Variants in RPAP2 observed in about 807,000 individuals in gnomAD.
RPAP2 encodes RNA polymerase II associated protein 2.
RPAP2 carries 52 observed loss-of-function variants against 73.1 expected under a neutral mutation model. That is an observed-to-expected ratio of 0.71 (90% CI 0.57 to 0.90). The LOEUF (loss-of-function observed/expected upper bound fraction) is 0.90, where lower values mean the gene tolerates loss of function less well. Among genes scored for constraint, RPAP2 ranks in the 40% least tolerant of loss-of-function variants. RPAP2 has a pLI of 0.00. For synonymous variants in RPAP2, 225 were observed against 242.1 expected (o/e 0.93, Z 0.65); for missense variants, 598 against 701.8 (o/e 0.85, Z 1.67).
intron 11 of RPAP2, among the ~76,000 whole-genome samples, chr1:92,359,439 C>T (rs1387901589): frequency 2.0e-5 from 3 of 152,236 alleles, no homozygotes; most frequent in Non-Finnish European, 4.4e-5. Flanking sequence ...CCGGCCTCAG[C>T]CTCCGAAGTA....
In RPAP2 at chr1:92,397,783, A is replaced by G. The variant is rs1393775006; in HGVS notation, c.*10772A>G. The G allele has an allele frequency of 6.6e-6, 1 of 152,252 alleles. No individual in the cohort carries two copies. Among genetic ancestry groups the G allele is most frequent in the African/African-American group, 2.4e-5 (1 of 41,470 alleles). The allele number at this position is 152,252 out of a possible 1,614,324, so 9.4% of individuals were successfully genotyped here. ...AAAAAATGCAAGATAAGCCTGGAGCATCTTGTAGTACCAGAAACTAAGCAA... is the reference window on the plus strand; with the variant it reads ...AAAAAATGCAAGATAAGCCTGGAGCGTCTTGTAGTACCAGAAACTAAGCAA... On this transcript the variant is annotated 3_prime_UTR_variant, in exon 13 of 13. Transcript: ENST00000610020.
intron 10 of RPAP2, among the ~76,000 whole-genome samples, chr1:92,340,377 G>A (rs1030726478): frequency 2.0e-5 from 3 of 152,200 alleles, no homozygotes; most frequent in African/African-American, 7.2e-5. Flanking sequence ...GCCAGGTGAA[G>A]CTTCTGGAAA....
rs1367572092 is a variant in RPAP2, at chr1:92,323,726, A to C, written c.806A>C (p.Asp269Ala). The stretch of plus-strand genomic sequence containing the variant: ...AAAGACAAAGAACAGACAGTAGTAG[A>C]TGTCACTGAGCAGTTAGGCGATTGC... ...KHKDKEQTVV[D>A]VTEQLGDCKL... Residue 269 changes from aspartate (D) to alanine (A), a missense_variant, in exon 8 of 13, where the codon GAT becomes GCT. Around this residue, in one of 3 missense-constraint regions of RPAP2, gnomAD observed 506 missense variants for 612.8 expected, o/e 0.83. Transcript: ENST00000610020. 1.9e-6 allele frequency: 3 copies of C among 1,614,180 alleles called. No individual in the cohort carries two copies. The highest frequency in any genetic ancestry group is 2.5e-6 in the Non-Finnish European group (3 of 1,180,012).
chr1:92,363,117 A>C (rs1654798282), intron 11 of RPAP2, among the ~76,000 whole-genome samples: 2 of 152,166 alleles, frequency 1.3e-5, no homozygotes, highest in Admixed American at 1.3e-4. Context: ...AATTTGAAGG[A>C]GTCTATGAAC....
chr1:92,329,078 A>AT (rs1246842505), intron 8 of RPAP2, among the ~76,000 whole-genome samples: 1 of 151,838 alleles, frequency 6.6e-6, no homozygotes, highest in Non-Finnish European at 1.5e-5. Context: ...CCTTAATTGT[A>AT]TTTTTTTTAA....
At position 92,387,844 on chromosome 1, in the gene RPAP2, A is replaced by T. The variant is rs1655921282; in HGVS notation, c.*833A>T. ...TTAGCTCTGTGGCCCAGTCACCTAA[A>T]CTTTCTGGACTTCAGTTCAGGTTGT... On this transcript the variant is annotated 3_prime_UTR_variant, in exon 13 of 13. Coordinates refer to ENST00000610020, the MANE Select transcript of RPAP2 (RefSeq NM_024813.3). 1 of 152,118 alleles carries T rather than the reference A, an allele frequency of 6.6e-6. No homozygotes were observed. The highest frequency in any genetic ancestry group is 1.5e-5 in the Non-Finnish European group (1 of 68,024). The allele number at this position is 152,118 out of a possible 1,614,324, so 9.4% of individuals were successfully genotyped here. A position where few individuals can be genotyped will look rare whatever the true frequency, so the allele number is the denominator to read the frequency against.
intron 10 of RPAP2, among the ~76,000 whole-genome samples, chr1:92,337,047 A>G (rs1482011690): frequency 6.6e-6 from 1 of 152,176 alleles, no homozygotes; most frequent in Non-Finnish European, 1.5e-5. Flanking sequence ...ATAAGCCTCT[A>G]AATGGCTTAT....
At chr1:92,368,080 G>GA (rs1310572134) in intron 11 of RPAP2, among the ~76,000 whole-genome samples, 1 of 152,176 alleles carries the variant, frequency 6.6e-6, no homozygotes, top group African/African-American at 2.4e-5. Context: ...GGTTCAGTAT[G>GA]AGTGCAGTGA....
chr1:92,323,994 T>C lies in RPAP2; in HGVS notation c.1074T>C (p.Cys358=). ...CAGTGTCTAGTTCAGTGCAGGTGTGTCCTGAAGTTGGAAAGAGAAACTTAC... is the reference window on the plus strand; with the variant it reads ...CAGTGTCTAGTTCAGTGCAGGTGTGCCCTGAAGTTGGAAAGAGAAACTTAC... ...SRSVSSSVQV[C]PEVGKRNLLK... Residue 358 remains cysteine, a synonymous_variant, in exon 8 of 13, where the codon TGT becomes TGC. Transcript: ENST00000610020. 1.2e-6 allele frequency: 2 copies of C among 1,614,056 alleles called. No individual in the cohort carries two copies. The highest frequency in any genetic ancestry group is 2.2e-5 in the South Asian group (2 of 91,074).
chr1:92,354,494 A>C (rs1360727126), intron 11 of RPAP2, among the ~76,000 whole-genome samples: 2 of 152,214 alleles, frequency 1.3e-5, no homozygotes, highest in Non-Finnish European at 2.9e-5. Context: ...CCTATGTGTA[A>C]TATATCACCA....
intron 11 of RPAP2, among the ~76,000 whole-genome samples, chr1:92,380,266 G>A (rs80153356): frequency 2.0e-5 from 3 of 149,424 alleles, no homozygotes; most frequent in Non-Finnish European, 3.0e-5. Context: ...TGACAGAAGC[G>A]AGACTCTGCC....
rs1294832412 is a variant in RPAP2, at chr1:92,399,332, G to A, written c.*12321G>A. 1 of 152,188 alleles carries A rather than the reference G, an allele frequency of 6.6e-6. No homozygotes were observed. Among genetic ancestry groups the A allele is most frequent in the Non-Finnish European group, 1.5e-5 (1 of 68,036 alleles). 9.4% of individuals were successfully genotyped at this position (152,188 alleles called of 1,614,324 possible). On this transcript the variant is annotated 3_prime_UTR_variant, in exon 13 of 13. Coordinates refer to ENST00000610020, the MANE Select transcript of RPAP2 (RefSeq NM_024813.3). ...CTTGCAGACCAAAAGCAAGTTCTCA[G>A]TCACCTAGCTCTAGTTTGCATAATT...
At chr1:92,307,148 C>A in intron 5 of RPAP2, 40 bp from the exon 6 acceptor site, 1 of 1,393,620 alleles carries the variant, frequency 7.2e-7, no homozygotes, top group South Asian at 1.2e-5. Context: ...GGTAATGTTT[C>A]ATGATAAGAA....
intron 11 of RPAP2, among the ~76,000 whole-genome samples, chr1:92,373,720 A>AC (rs1324564784): frequency 7.6e-6 from 1 of 132,044 alleles, no homozygotes; most frequent in East Asian, 2.3e-4. Context: ...ACATGGTGAA[A>AC]CCCCGTCTCT....
At position 92,299,228 on chromosome 1, in the gene RPAP2, C is replaced by T. The variant is rs1650589612; in HGVS notation, c.73+82C>T. ...AGTTATAGACCGCAGCGCGCGGGCG[C>T]TCCTGAAAGGCTGCTTCAGGGGAGG... On this transcript the variant is annotated intron_variant, in intron 1 of 12. Transcript: ENST00000610020. 3 of 839,996 alleles carry T rather than the reference C, an allele frequency of 3.6e-6. No individual in the cohort carries two copies. In the South Asian group the frequency reaches 7.6e-5, roughly 21 times the overall value. The allele number at this position is 839,996 out of a possible 1,614,324, so 52.0% of individuals were successfully genotyped here.
intron 10 of RPAP2, among the ~76,000 whole-genome samples, chr1:92,343,658 C>T (rs1356862533): frequency 1.3e-5 from 2 of 152,058 alleles, no homozygotes; most frequent in Non-Finnish European, 2.9e-5. Context: ...CTACTGACGG[C>T]CAGCCACTTG....
intron 11 of RPAP2, among the ~76,000 whole-genome samples, chr1:92,368,287 G>A (rs1655005316): frequency 6.6e-6 from 1 of 152,140 alleles, no homozygotes; most frequent in Non-Finnish European, 1.5e-5. Context: ...GCTGAGGCAG[G>A]AGAATCGCCT....
In RPAP2 at chr1:92,309,165, C is replaced by T. The variant is rs892650090; in HGVS notation, c.488+1889C>T. Reference sequence around the variant, plus strand: ...AGAAAGATGAAAATGTCCTTTGTGCCGGGCGTGGTGGCTTACACCTGTAAT... The same window carrying T: ...AGAAAGATGAAAATGTCCTTTGTGCTGGGCGTGGTGGCTTACACCTGTAAT... On this transcript the variant is annotated intron_variant, in intron 6 of 12. Transcript: ENST00000610020. Among the ~76,000 whole-genome samples, 8 of 151,988 alleles carry T rather than the reference C, an allele frequency of 5.3e-5. No individual in the cohort carries two copies. The East Asian group carries it at 7.7e-4, about 15-fold the overall frequency.
intron 6 of RPAP2, among the ~76,000 whole-genome samples, chr1:92,313,027 G>A (rs570801573): frequency 3.3e-5 from 5 of 152,128 alleles, no homozygotes; most frequent in South Asian, 2.1e-4. Context: ...CACCACACCC[G>A]GCTTATTTTT....
Sources: allele counts gnomAD v4.1 joint callset (sites outside exome capture counted in the v4.1 genomes callset), GRCh38; gene constraint gnomAD v4.1.1; regional missense constraint gnomAD v4.1.1; transcripts MANE v1.5; gene names NCBI Gene and HGNC (gene_info 2026-07-23, HGNC 2026-07-21).